The following SYN3 variants were observed in gnomAD, a reference collection of about 807,000 sequenced individuals.
SYN3 encodes the protein synapsin III.
A neutral mutation model predicts 65.8 loss-of-function variants in SYN3; 35 were observed. The observed-to-expected ratio is 0.53, with a 90% CI of 0.41 to 0.70. The LOEUF (loss-of-function observed/expected upper bound fraction) is 0.70. SYN3 is among the 30% of genes least tolerant of loss of function. The pLI is 0.00. For missense variants in SYN3, 680 were observed against 749.0 expected (o/e 0.91, Z 1.08); for synonymous variants, 270 against 292.9 (o/e 0.92, Z 0.80).
chr22:32,521,597 C>T (rs1448083627), intron 12 of SYN3, among the ~76,000 whole-genome samples: 1 of 152,030 alleles, frequency 6.6e-6, no homozygotes, highest in African/African-American at 2.4e-5. Flanking sequence ...CAGGCGTCCG[C>T]CACCACGCCC....
intron 6 of SYN3, among the ~76,000 whole-genome samples, chr22:32,824,292 A>AG: frequency 6.6e-6 from 1 of 150,718 alleles, no homozygotes; most frequent in Non-Finnish European, 1.5e-5. Context: ...AAAAAAAAAA[A>AG]TACAGTGCCA....
intron 6 of SYN3, among the ~76,000 whole-genome samples, chr22:32,636,674 C>T (rs1483603710): frequency 3.9e-5 from 6 of 152,166 alleles, no homozygotes; most frequent in Non-Finnish European, 5.9e-5. Flanking sequence ...AGGATCTAGA[C>T]ACTCTGAATT....
intron 6 of SYN3, among the ~76,000 whole-genome samples, chr22:32,716,127 G>A (rs1252335061): frequency 2.6e-5 from 4 of 152,158 alleles, no homozygotes; most frequent in Non-Finnish European, 5.9e-5. Flanking sequence ...TGTGTTTGGT[G>A]ATCCTGCCCC....
chr22:32,964,182 A>G (rs1303244584), intron 3 of SYN3, among the ~76,000 whole-genome samples: 1 of 151,532 alleles, frequency 6.6e-6, no homozygotes, highest in Non-Finnish European at 1.5e-5. Context: ...TCGCAAGGAC[A>G]AAAAACCAAA....
chr22:32,918,390 AAT>A (rs1239350144), intron 4 of SYN3, among the ~76,000 whole-genome samples: 1 of 152,240 alleles, frequency 6.6e-6, no homozygotes, highest in Non-Finnish European at 1.5e-5. Flanking sequence ...TCAATGAACA[AAT>A]AGTTATTGAG....
At chr22:32,572,411 CT>C (rs2058782847) in intron 7 of SYN3, among the ~76,000 whole-genome samples, 3 of 9,618 alleles carry the variant, frequency 3.1e-4, no homozygotes, top group Non-Finnish European at 1.1e-3. Context: ...TCCCTCCTGT[CT>C]TTCCTTCCTT....
At chr22:33,005,341 A>C (rs2053169149) in intron 2 of SYN3, among the ~76,000 whole-genome samples, 1 of 152,108 alleles carries the variant, frequency 6.6e-6, no homozygotes, top group Admixed American at 6.5e-5. Flanking sequence ...TCTGGATGCA[A>C]TGCTTCCATC....
At chr22:32,592,080 C>G (rs1569071607) in intron 7 of SYN3, among the ~76,000 whole-genome samples, 1 of 152,146 alleles carries the variant, frequency 6.6e-6, no homozygotes, top group Non-Finnish European at 1.5e-5. Flanking sequence ...AATAATGATT[C>G]AGAACTATCA....
chr22:32,840,611 T>C (rs1188057064), intron 6 of SYN3, among the ~76,000 whole-genome samples: 2 of 151,924 alleles, frequency 1.3e-5, no homozygotes, highest in Non-Finnish European at 2.9e-5. Flanking sequence ...TGATTCTGCC[T>C]CACTTCCAGC....
At chr22:32,537,917 TG>T in intron 9 of SYN3, 118 bp downstream of exon 9, 1 of 811,534 alleles carries the variant, frequency 1.2e-6, no homozygotes, top group Non-Finnish European at 2.1e-6. Flanking sequence ...AAGTGCTCTG[TG>T]GATGGTGAGG....
At chr22:32,559,648 A>G (rs969054206) in intron 7 of SYN3, among the ~76,000 whole-genome samples, 2 of 151,926 alleles carry the variant, frequency 1.3e-5, no homozygotes, top group African/African-American at 4.8e-5. Context: ...ACACGGTGAA[A>G]CCCCATCTCT....
intron 6 of SYN3, chr22:32,860,591 C>G (rs930299924): frequency 3.3e-5 from 5 of 152,548 alleles, no homozygotes; most frequent in African/African-American, 1.2e-4. Flanking sequence ...CCCTCTCTTC[C>G]CTATCATGGG....
chr22:32,672,826 C>A (rs1410599941), intron 6 of SYN3, among the ~76,000 whole-genome samples: 1 of 152,192 alleles, frequency 6.6e-6, no homozygotes, highest in African/African-American at 2.4e-5. Context: ...CAGACCCAGG[C>A]CCCTCCCTGG....
intron 6 of SYN3, among the ~76,000 whole-genome samples, chr22:32,741,903 AGAG>A (rs901484906): frequency 2.0e-5 from 3 of 152,198 alleles, no homozygotes; most frequent in African/African-American, 7.2e-5. Context: ...GATAAGGCAA[AGAG>A]GAAATTAGTT....
At chr22:32,968,922 A>G (rs2051930437) in intron 3 of SYN3, among the ~76,000 whole-genome samples, 2 of 152,220 alleles carry the variant, frequency 1.3e-5, no homozygotes, top group African/African-American at 4.8e-5. Flanking sequence ...TGCTTCTTGA[A>G]TGAAGGAACA....
chr22:32,913,771 G>C (rs938181510), intron 4 of SYN3, among the ~76,000 whole-genome samples: 15 of 152,234 alleles, frequency 9.9e-5, no homozygotes, highest in Non-Finnish European at 1.8e-4. Context: ...AAGGTGTCAG[G>C]ACACAAGAGC....
intron 7 of SYN3, among the ~76,000 whole-genome samples, chr22:32,586,377 T>C (rs181397939): frequency 6.6e-6 from 1 of 152,166 alleles, no homozygotes; most frequent in Non-Finnish European, 1.5e-5. Context: ...CTGAAAGACA[T>C]TTTAATATAT....
At position 32,592,983 on chromosome 22, in the gene SYN3, C is replaced by A. The variant is rs114153003; in HGVS notation, c.774+3691G>T. ...GGTAGATTTCAAGCAACACTGAGCT[C>A]ATTGACAGCCTCCTTACCAGCTTTC... On this transcript the variant is annotated intron_variant, in intron 7 of 13. Coordinates refer to ENST00000358763, the MANE Select transcript of SYN3 (RefSeq NM_003490.4). Among the ~76,000 whole-genome samples the A allele has an allele frequency of 7.3e-3, 1,105 of 152,286 alleles. 13 individuals are homozygous for A. Among genetic ancestry groups the A allele is most frequent in the African/African-American group, 0.026 (1,068 of 41,570 alleles).
chr22:32,801,796 C>T lies in SYN3; in HGVS notation c.711+63119G>A, dbSNP rs979545800. 16 of 435,196 alleles carry T rather than the reference C, an allele frequency of 3.7e-5. No individual in the cohort carries two copies. The highest frequency in any genetic ancestry group is 3.4e-4 in the African/African-American group (16 of 47,480). The allele number at this position is 435,196 out of a possible 1,614,324, so 27.0% of individuals were successfully genotyped here. On this transcript the variant is annotated intron_variant, in intron 6 of 13. Transcript: ENST00000358763. The surrounding 1 kb of genome is among the most constrained non-coding windows in gnomAD (Gnocchi z 4.7). ...CCTGCTCCTTCGCCGGGAGGCCGCC[C>T]GCCGAGTCCTGCGCCAGCGCCGAGG...
Sources: gnomAD v4.1 joint callset for allele counts (sites outside exome capture counted in the v4.1 genomes callset) on GRCh38, gnomAD v4.1.1 for gene constraint, Gnocchi (gnomAD v3.1) non-coding constraint, MANE v1.5 for transcripts, NCBI Gene and HGNC (gene_info 2026-07-23, HGNC 2026-07-21) for gene names.